The following SLC3A1 variants were observed in gnomAD, a reference collection of about 807,000 sequenced individuals.
SLC3A1 encodes the protein amino acid transporter heavy chain SLC3A1.
In SLC3A1, 78 loss-of-function variants were observed where a neutral mutation model predicts 60.3. The observed-to-expected ratio is 1.29, with a 90% CI of 1.08 to 1.56. The LOEUF (loss-of-function observed/expected upper bound fraction) is 1.56. Ranked by LOEUF, SLC3A1 falls within the 40% of genes most tolerant of loss-of-function variation. The probability of loss-of-function intolerance (pLI) is 0.00; values close to 1 mark genes in which losing one functional copy is unlikely to be tolerated. For missense variants in SLC3A1, 1,172 were observed against 858.9 expected (o/e 1.36, Z -4.56); for synonymous variants, 392 against 307.9 (o/e 1.27, Z -2.86).
At chr2:44,315,752 T>C (rs1315242153) in intron 9 of SLC3A1, among the ~76,000 whole-genome samples, 1 of 151,230 alleles carries the variant, frequency 6.6e-6, no homozygotes, top group African/African-American at 2.4e-5. Flanking sequence ...AGGAATTTCC[T>C]GAACTCCTGC....
At chr2:44,311,802 G>C (rs1376340984) in intron 7 of SLC3A1, among the ~76,000 whole-genome samples, 1 of 151,562 alleles carries the variant, frequency 6.6e-6, no homozygotes, top group Non-Finnish European at 1.5e-5. Context: ...TCGAACGCTA[G>C]TTCTGTCTTA....
At chr2:44,288,966 C>A (rs1485775151) in intron 4 of SLC3A1, among the ~76,000 whole-genome samples, 3 of 151,870 alleles carry the variant, frequency 2.0e-5, no homozygotes. Context: ...TCCTGAGTAC[C>A]TGGGACTATA....
At chr2:44,311,135 T>C (rs1011416938) in intron 7 of SLC3A1, among the ~76,000 whole-genome samples, 6 of 152,324 alleles carry the variant, frequency 3.9e-5, no homozygotes, top group African/African-American at 1.2e-4. Flanking sequence ...CCAGATACTC[T>C]CAATTGAGTC....
At chr2:44,288,742 C>T (rs1002298563) in intron 4 of SLC3A1, among the ~76,000 whole-genome samples, 4 of 152,174 alleles carry the variant, frequency 2.6e-5, no homozygotes, top group South Asian at 2.1e-4. Flanking sequence ...TGGCTAAAGA[C>T]GTTGAACATC....
intron 4 of SLC3A1, among the ~76,000 whole-genome samples, chr2:44,295,460 C>A (rs1416099815): frequency 6.6e-6 from 1 of 152,160 alleles, no homozygotes. Context: ...CAATTAAAAT[C>A]TGAAGCTCTC....
rs759101706 is a variant in SLC3A1, at chr2:44,321,270, TATTA to T, written c.*635_*638del. Reference sequence around the variant, plus strand: ...AATTAATAACTTAAAAGTCTCAAGTTATTAATTTTTTTTTTGCTAACTCAATTGG... The same window carrying T: ...AATTAATAACTTAAAAGTCTCAAGTTATTTTTTTTTTGCTAACTCAATTGG... On this transcript the variant is annotated 3_prime_UTR_variant, in exon 10 of 10. Transcript: ENST00000260649. 4.7e-5 allele frequency: 54 copies of T among 1,156,524 alleles called. No homozygotes were observed. The highest frequency in any genetic ancestry group is 2.2e-4 in the Middle Eastern group (1 of 4,538). The allele number at this position is 1,156,524 out of a possible 1,614,324, so 71.6% of individuals were successfully genotyped here. A position where few individuals can be genotyped will look rare whatever the true frequency, so the allele number is the denominator to read the frequency against.
chr2:44,285,643 A>T (rs1240720469), intron 3 of SLC3A1: 3 of 478,798 alleles, frequency 6.3e-6, no homozygotes, highest in Admixed American at 4.7e-5. Context: ...CTCCAAGATG[A>T]GCGGAATGTT....
At chr2:44,296,536 A>G (rs994925640) in intron 4 of SLC3A1, among the ~76,000 whole-genome samples, 5 of 152,222 alleles carry the variant, frequency 3.3e-5, no homozygotes, top group Non-Finnish European at 5.9e-5. Context: ...TGTGCCCATG[A>G]TAAGAGTTAT....
intron 7 of SLC3A1, among the ~76,000 whole-genome samples, chr2:44,307,004 C>G (rs1672174547): frequency 6.6e-6 from 1 of 152,200 alleles, no homozygotes; most frequent in Admixed American, 6.5e-5. Flanking sequence ...CGCATGGCCC[C>G]TCCCTCTCTG....
chr2:44,320,166 A>C (rs767526562), intron 9 of SLC3A1, 33 bp from the exon 10 acceptor site: 2 of 1,530,468 alleles, frequency 1.3e-6, no homozygotes, highest in African/African-American at 1.4e-5. Flanking sequence ...CTTAGAATCA[A>C]ACACTTACGT....
intron 4 of SLC3A1, among the ~76,000 whole-genome samples, chr2:44,293,895 A>G: frequency 6.6e-6 from 1 of 152,220 alleles, no homozygotes; most frequent in Non-Finnish European, 1.5e-5. Flanking sequence ...CAATAATGGT[A>G]CGTACCTAAT....
intron 7 of SLC3A1, among the ~76,000 whole-genome samples, chr2:44,310,702 T>A (rs571758972): frequency 7.9e-5 from 12 of 152,200 alleles, no homozygotes; most frequent in East Asian, 3.9e-4. Flanking sequence ...ATTTTTTTTT[T>A]AAATATTGTT....
At chr2:44,295,713 T>C (rs1405697747) in intron 4 of SLC3A1, among the ~76,000 whole-genome samples, 1 of 152,242 alleles carries the variant, frequency 6.6e-6, no homozygotes, top group Non-Finnish European at 1.5e-5. Flanking sequence ...TTCACAATGC[T>C]GAGATCCGGA....
intron 4 of SLC3A1, among the ~76,000 whole-genome samples, chr2:44,297,605 G>A (rs1671886341): frequency 6.6e-6 from 1 of 152,152 alleles, no homozygotes; most frequent in African/African-American, 2.4e-5. Context: ...TGTCCCACAT[G>A]TCCCCAACTG....
intron 8 of SLC3A1, 44 bp from the exon 9 acceptor site, chr2:44,313,791 T>TAATA (rs770464450): frequency 7.0e-7 from 1 of 1,432,894 alleles, no homozygotes; most frequent in Non-Finnish European, 9.9e-7. Flanking sequence ...ACATTTCTTC[T>TAATA]AATAACCAAA....
chr2:44,322,153 G>A (rs1370284198), downstream of SLC3A1, among the ~76,000 whole-genome samples: 1 of 152,168 alleles, frequency 6.6e-6, no homozygotes, highest in Non-Finnish European at 1.5e-5. Flanking sequence ...TTGAAACCCA[G>A]GAGATCATCA....
At chr2:44,299,100 C>T (rs1007622491) in intron 4 of SLC3A1, among the ~76,000 whole-genome samples, 1 of 150,352 alleles carries the variant, frequency 6.7e-6, no homozygotes, top group Non-Finnish European at 1.5e-5. Flanking sequence ...GTGCAATGGC[C>T]CAATCTCGGC....
intron 8 of SLC3A1, among the ~76,000 whole-genome samples, chr2:44,312,962 TAA>T (rs1284430468): frequency 6.6e-6 from 1 of 152,110 alleles, no homozygotes; most frequent in South Asian, 2.1e-4. Flanking sequence ...GCCATACAAC[TAA>T]AAGTTTCTTG....
chr2:44,305,570 G>A (rs945379677), intron 7 of SLC3A1, among the ~76,000 whole-genome samples: 2 of 151,524 alleles, frequency 1.3e-5, no homozygotes, highest in Non-Finnish European at 2.9e-5. Context: ...TGGGATTACA[G>A]GTGCACGCCA....
Sources: gnomAD v4.1 joint callset for allele counts (sites outside exome capture counted in the v4.1 genomes callset) on GRCh38, gnomAD v4.1.1 for gene constraint, MANE v1.5 for transcripts, NCBI Gene and HGNC (gene_info 2026-07-23, HGNC 2026-07-21) for gene names.